The following ZFHX3 variants were observed in gnomAD, a reference collection of about 807,000 sequenced individuals.
ZFHX3 encodes the protein zinc finger homeobox 3.
In ZFHX3, 42 loss-of-function variants were observed where a neutral mutation model predicts 279.1. That is an observed-to-expected ratio of 0.15 (90% CI 0.12 to 0.19). The LOEUF (loss-of-function observed/expected upper bound fraction) is 0.19. ZFHX3 is among the 10% of genes least tolerant of loss of function. The pLI is 1.00. For synonymous variants in ZFHX3, 2,293 were observed against 1,957.8 expected, an observed-to-expected ratio of 1.17 and a Z score of -4.52; for missense variants, 4,981 against 4,754.0, an observed-to-expected ratio of 1.05 and a Z score of -1.40.
chr16:73,622,075 C>A (rs928311618), intron 2 of ZFHX3, among the ~76,000 whole-genome samples: 5 of 152,174 alleles, frequency 3.3e-5, no homozygotes, highest in African/African-American at 9.7e-5. Context: ...CTCACCTGAC[C>A]CAAAACTTCC....
intron 5 of ZFHX3, among the ~76,000 whole-genome samples, chr16:73,248,720 T>C (rs1450659655): frequency 1.3e-5 from 2 of 152,048 alleles, no homozygotes; most frequent in Non-Finnish European, 2.9e-5. Context: ...GTCTCCCCTA[T>C]GTGCTGAGTA....
intron 1 of ZFHX3, among the ~76,000 whole-genome samples, chr16:73,702,617 G>A (rs993901724): frequency 6.6e-6 from 1 of 152,204 alleles, no homozygotes; most frequent in Non-Finnish European, 1.5e-5. Context: ...CAGCACAGGT[G>A]AAAAGTCTGT....
chr16:73,809,083 T>C (rs1960360295), intron 1 of ZFHX3, among the ~76,000 whole-genome samples: 1 of 152,180 alleles, frequency 6.6e-6, no homozygotes, highest in Non-Finnish European at 1.5e-5. Context: ...CAGGGGTTGA[T>C]GGGAAGATGG....
rs796711041 is a variant in ZFHX3 at position 73,234,552 on chromosome 16, G to T, written c.-1104+22495C>A. ...TGATGGCCAAAGCCAGGCGGGCGGGGATTGCTTTCTGCTCTGGGGTTGGAG... is the reference window on the plus strand; with the variant it reads ...TGATGGCCAAAGCCAGGCGGGCGGGTATTGCTTTCTGCTCTGGGGTTGGAG... On this transcript the variant is annotated intron_variant, in intron 5 of 17. Transcript: ENST00000641206. Among the ~76,000 whole-genome samples, 4 of 152,226 alleles carry T rather than the reference G, an allele frequency of 2.6e-5. No homozygotes were observed. The East Asian group carries it at 5.8e-4, about 22-fold the overall frequency.
intron 1 of ZFHX3, among the ~76,000 whole-genome samples, chr16:73,761,043 T>A (rs2053860308): frequency 6.6e-6 from 1 of 151,316 alleles, no homozygotes; most frequent in African/African-American, 2.4e-5. Flanking sequence ...GAGGTCAAAT[T>A]GTCCATGTTT....
At chr16:72,816,499 C>T (rs947781542) in intron 5 of ZFHX3, among the ~76,000 whole-genome samples, 4 of 152,304 alleles carry the variant, frequency 2.6e-5, no homozygotes, top group Middle Eastern at 6.8e-3. Flanking sequence ...CTTAACAGGA[C>T]GTGAGCTATG....
At position 72,793,773 on chromosome 16, in the gene ZFHX3, G is replaced by A. The variant is rs770729613; in HGVS notation, c.8909C>T (p.Thr2970Ile). 7 of 1,614,176 alleles carry A rather than the reference G, an allele frequency of 4.3e-6. No individual in the cohort carries two copies. Among genetic ancestry groups the A allele is most frequent in the African/African-American group, 1.3e-5 (1 of 75,054 alleles). The part of the protein sequence containing the change: ...VLKSCFNDYR[T>I]PTMLECEVLG... ...GACCTCACATTCTAGCATAGTGGGT[G>A]TCCTGTAGTCATTAAAGCATGACTT... The change falls in exon 9 of 10, where the codon ACA becomes ATA. Residue 2970 changes from threonine (T) to isoleucine (I), a missense_variant. This residue lies in a region of ZFHX3 where 168 missense variants were observed against 249.1 expected (regional missense o/e 0.67). Coordinates refer to ENST00000268489, the MANE Select transcript of ZFHX3 (RefSeq NM_006885.4). The surrounding 1 kb of genome is among the most constrained non-coding windows in gnomAD (Gnocchi z 4.3).
chr16:73,093,687 G>A, intron 7 of ZFHX3: 1 of 328,312 alleles, frequency 3.0e-6, no homozygotes, highest in Non-Finnish European at 6.4e-6. Flanking sequence ...TTAAATACAG[G>A]ACATTATCTC....
intron 2 of ZFHX3, chr16:73,483,297 C>T (rs991328934): frequency 2.3e-6 from 1 of 441,990 alleles, no homozygotes; most frequent in African/African-American, 2.1e-5. Context: ...CACGGAGCCT[C>T]CGAGAGAGAG....
chr16:73,555,494 T>G (rs2020265006), intron 2 of ZFHX3, among the ~76,000 whole-genome samples: 1 of 150,100 alleles, frequency 6.7e-6, no homozygotes, highest in South Asian at 2.2e-4. Context: ...CCCCTCCGCT[T>G]CCCTCCCCAG....
intron 1 of ZFHX3, among the ~76,000 whole-genome samples, chr16:72,975,086 G>A (rs1274331310): frequency 1.3e-5 from 2 of 152,156 alleles, no homozygotes; most frequent in African/African-American, 4.8e-5. Flanking sequence ...ACAGACTGAA[G>A]GGGGCATGGA....
chr16:73,337,063 C>T (rs1390669399), intron 3 of ZFHX3, among the ~76,000 whole-genome samples: 1 of 152,164 alleles, frequency 6.6e-6, no homozygotes, highest in Non-Finnish European at 1.5e-5. Context: ...GCATAATTTA[C>T]AACTTTCCCC....
intron 4 of ZFHX3, among the ~76,000 whole-genome samples, chr16:72,867,069 C>T (rs947454499): frequency 6.6e-6 from 1 of 152,146 alleles, no homozygotes; most frequent in African/African-American, 2.4e-5. Context: ...ATGAATGTTT[C>T]CCACCATGGG....
intron 5 of ZFHX3, among the ~76,000 whole-genome samples, chr16:73,216,600 G>A (rs1017318059): frequency 5.9e-5 from 9 of 152,030 alleles, no homozygotes; most frequent in African/African-American, 2.2e-4. Flanking sequence ...GATTTTGATA[G>A]GAAACACTGA....
intron 4 of ZFHX3, among the ~76,000 whole-genome samples, chr16:73,300,140 G>C (rs771568409): frequency 1.3e-5 from 2 of 151,952 alleles, no homozygotes; most frequent in Non-Finnish European, 2.9e-5. Flanking sequence ...TGCACCTGTA[G>C]TCTCAGCTAC....
intron 2 of ZFHX3, among the ~76,000 whole-genome samples, chr16:73,642,329 C>T (rs994252626): frequency 6.6e-6 from 1 of 152,186 alleles, no homozygotes. Context: ...CCTCCCTTCC[C>T]ACCTTCAGGC....
chr16:72,890,866 G>A (rs1206213940), intron 3 of ZFHX3, among the ~76,000 whole-genome samples: 1 of 152,216 alleles, frequency 6.6e-6, no homozygotes, highest in Non-Finnish European at 1.5e-5. Context: ...GAGTTGAACA[G>A]TTATGACAGA....
At chr16:73,687,773 A>C (rs559346916) in intron 1 of ZFHX3, among the ~76,000 whole-genome samples, 15 of 139,904 alleles carry the variant, frequency 1.1e-4, no homozygotes, top group Non-Finnish European at 2.0e-4. Context: ...TCTTGAACCC[A>C]GGAGGCAGAG....
intron 1 of ZFHX3, among the ~76,000 whole-genome samples, chr16:73,870,660 G>A (rs1327305334): frequency 6.6e-6 from 1 of 152,206 alleles, no homozygotes; most frequent in Non-Finnish European, 1.5e-5. Context: ...TCAGAGGAAA[G>A]TGCATTCTGA....
Sources: allele counts gnomAD v4.1 joint callset (sites outside exome capture counted in the v4.1 genomes callset), GRCh38; gene constraint gnomAD v4.1.1; regional missense constraint gnomAD v4.1.1; non-coding constraint Gnocchi (gnomAD v3.1); transcripts MANE v1.5; gene names NCBI Gene and HGNC (gene_info 2026-07-23, HGNC 2026-07-21).